Variants in CREM observed in about 807,000 individuals in gnomAD.
CREM encodes cAMP responsive element modulator.
CREM carries 13 observed loss-of-function variants against 37.3 expected under a neutral mutation model. The observed-to-expected ratio is 0.35, with a 90% CI of 0.23 to 0.55. CREM has a LOEUF of 0.55. Among genes scored for constraint, CREM ranks in the 20% least tolerant of loss-of-function variants. The pLI is 0.88. For synonymous variants in CREM, 124 were observed against 120.2 expected, an observed-to-expected ratio of 1.03 and a Z score of -0.21; for missense variants, 296 against 362.3, an observed-to-expected ratio of 0.82 and a Z score of 1.49.
At chr10:35,166,531 C>T (rs565952755) in intron 3 of CREM, among the ~76,000 whole-genome samples, 11 of 150,844 alleles carry the variant, frequency 7.3e-5, no homozygotes. Flanking sequence ...CGCCACTTCC[C>T]TCCAGCCTGG....
chr10:35,128,349 C>T (rs1192749142), intron 1 of CREM, among the ~76,000 whole-genome samples: 2 of 152,166 alleles, frequency 1.3e-5, no homozygotes, highest in Non-Finnish European at 2.9e-5. Flanking sequence ...GACTCAGTTT[C>T]CTTTCTACTT....
At chr10:35,189,805 G>T (rs562705403) in intron 6 of CREM, among the ~76,000 whole-genome samples, 1 of 152,234 alleles carries the variant, frequency 6.6e-6, no homozygotes, top group South Asian at 2.1e-4. Context: ...CAGCACTAAC[G>T]TTAAGGAAAG....
chr10:35,200,050 C>T (rs1345219608), intron 6 of CREM, among the ~76,000 whole-genome samples: 21 of 151,880 alleles, frequency 1.4e-4, no homozygotes, highest in Admixed American at 3.9e-4. Flanking sequence ...CCAACACACC[C>T]GGCTAATTTT....
At chr10:35,201,456 G>A (rs772414971) in intron 6 of CREM, 37 of 1,551,520 alleles carry the variant, frequency 2.4e-5, no homozygotes, top group Middle Eastern at 1.7e-4. Context: ...TACAGATGAG[G>A]AAACTGAACT....
At chr10:35,193,931 C>T (rs186934511) in intron 6 of CREM, among the ~76,000 whole-genome samples, 62 of 151,770 alleles carry the variant, frequency 4.1e-4, no homozygotes, top group African/African-American at 1.5e-3. Context: ...GAAACCCCGT[C>T]TCTACTAAAA....
intron 1 of CREM, among the ~76,000 whole-genome samples, chr10:35,132,194 T>G: frequency 7.7e-6 from 1 of 129,514 alleles, no homozygotes. Context: ...GAGCGAGACT[T>G]GAGTCTCAAA....
intron 3 of CREM, among the ~76,000 whole-genome samples, chr10:35,173,303 C>T (rs2132817947): frequency 6.6e-6 from 1 of 152,320 alleles, no homozygotes; most frequent in Admixed American, 6.5e-5. Context: ...TCTACAGAAG[C>T]TATTATAATA....
At chr10:35,132,276 G>A (rs1191564037) in intron 1 of CREM, among the ~76,000 whole-genome samples, 4 of 151,996 alleles carry the variant, frequency 2.6e-5, no homozygotes, top group Non-Finnish European at 5.9e-5. Context: ...TGTTTGAAAG[G>A]ATGGAGACAG....
At chr10:35,147,115 A>G (rs1041635850) in intron 2 of CREM, among the ~76,000 whole-genome samples, 2 of 146,026 alleles carry the variant, frequency 1.4e-5, no homozygotes, top group Non-Finnish European at 1.5e-5. Context: ...CACTGGCGCA[A>G]TCTCGGCTCA....
intron 3 of CREM, among the ~76,000 whole-genome samples, chr10:35,173,870 T>A (rs982382469): frequency 6.6e-6 from 1 of 152,226 alleles, no homozygotes; most frequent in Non-Finnish European, 1.5e-5. Flanking sequence ...TTTAAGAGTG[T>A]AAAGATGCCC....
At chr10:35,141,344 A>T (rs927089330) in intron 2 of CREM, among the ~76,000 whole-genome samples, 1 of 152,260 alleles carries the variant, frequency 6.6e-6, no homozygotes. Context: ...GCAGAAATAC[A>T]TGTTTTAGAA....
chr10:35,133,677 A>G (rs868171510), intron 1 of CREM, among the ~76,000 whole-genome samples: 2 of 152,256 alleles, frequency 1.3e-5, no homozygotes, highest in South Asian at 2.1e-4. Context: ...GTCTTCAGAG[A>G]AACAGTTCTC....
chr10:35,190,942 A>G (rs908598717), intron 6 of CREM, among the ~76,000 whole-genome samples: 2 of 152,136 alleles, frequency 1.3e-5, no homozygotes, highest in Admixed American at 6.5e-5. Flanking sequence ...GATTACAGGC[A>G]TGAGCCACCA....
intron 5 of CREM, among the ~76,000 whole-genome samples, chr10:35,180,969 A>G (rs759034200): frequency 2.0e-5 from 3 of 152,342 alleles, no homozygotes; most frequent in Non-Finnish European, 4.4e-5. Context: ...TGCTGAAATG[A>G]CACTAAGACT....
At chr10:35,156,537 A>G (rs1005466565) in intron 3 of CREM, among the ~76,000 whole-genome samples, 3 of 152,240 alleles carry the variant, frequency 2.0e-5, no homozygotes, top group South Asian at 2.1e-4. Flanking sequence ...GGTGTGAGCC[A>G]CTATGTTCAG....
intron 3 of CREM, among the ~76,000 whole-genome samples, chr10:35,169,524 A>G (rs1170317199): frequency 2.0e-5 from 3 of 152,218 alleles, no homozygotes; most frequent in South Asian, 2.1e-4. Flanking sequence ...TAAATATACA[A>G]TCATGTCATC....
At position 35,206,758 on chromosome 10, in the gene CREM, C is replaced by T. The variant is rs1254456299; in HGVS notation, c.599-137C>T. 3.7e-6 allele frequency: 3 copies of T among 821,864 alleles called. No individual in the cohort carries two copies. The East Asian group carries it at 7.5e-5, about 21-fold the overall frequency. 50.9% of individuals were successfully genotyped at this position (821,864 alleles called of 1,614,324 possible). A position where few individuals can be genotyped will look rare whatever the true frequency, so the allele number is the denominator to read the frequency against. On this transcript the variant is annotated intron_variant, in intron 6 of 7. Transcript: ENST00000685392. Reference sequence around the variant, plus strand: ...TTTAATACTTGAGATTGCTATAATGCTCAGAATAATTATCTTAAACATTAC... The same window carrying T: ...TTTAATACTTGAGATTGCTATAATGTTCAGAATAATTATCTTAAACATTAC...
Position 35,211,832 on chromosome 10 carries a change from AT to A in CREM, c.*435del. ...TATTTAACTATGAACTGAAGGCAGC[AT>A]GTATAGTTGCTTTTGAAGGAATACA... On this transcript the variant is annotated 3_prime_UTR_variant, in exon 8 of 8. Transcript: ENST00000685392. The A allele has an allele frequency of 1.9e-6, 3 of 1,576,312 alleles. No individual in the cohort carries two copies. Among genetic ancestry groups the A allele is most frequent in the Non-Finnish European group, 2.6e-6 (3 of 1,163,402 alleles).
chr10:35,167,220 A>C (rs757907551), intron 3 of CREM, among the ~76,000 whole-genome samples: 1 of 152,236 alleles, frequency 6.6e-6, no homozygotes, highest in African/African-American at 2.4e-5. Context: ...TATTATTTTC[A>C]GCTTTAAAAC....
Sources: gnomAD v4.1 joint callset for allele counts (sites outside exome capture counted in the v4.1 genomes callset) on GRCh38, gnomAD v4.1.1 for gene constraint, MANE v1.5 for transcripts, NCBI Gene and HGNC (gene_info 2026-07-23, HGNC 2026-07-21) for gene names.